Variants in HECW2 observed in about 807,000 individuals in gnomAD.
The protein encoded by HECW2 is E3 ubiquitin-protein ligase HECW2.
HECW2 carries 61 observed loss-of-function variants against 175.2 expected under a neutral mutation model. That is an observed-to-expected ratio of 0.35 (90% confidence interval 0.28 to 0.43). The LOEUF is 0.43. HECW2 is among the 20% of genes least tolerant of loss of function. The pLI, the probability that HECW2 is intolerant of heterozygous loss-of-function variation, is 1.00. For synonymous variants in HECW2, 671 were observed against 731.0 expected (o/e 0.92, Z 1.32); for missense variants, 1,524 against 2,000.5 (o/e 0.76, Z 4.54).
intron 1 of HECW2, chr2:196,586,763 A>C (rs6434860): frequency 0.81 from 121,532 of 150,482 alleles, 49,503 homozygotes; most frequent in East Asian, 0.95. Flanking sequence ...ACAAAAAAAA[A>C]CTCTTCCTAT....
chr2:196,229,621 G>A (rs772687618), intron 21 of HECW2, among the ~76,000 whole-genome samples: 14 of 152,126 alleles, frequency 9.2e-5, no homozygotes, highest in Non-Finnish European at 7.4e-5. Context: ...TTGAGGCTGC[G>A]TGAGCTATGA....
intron 1 of HECW2, among the ~76,000 whole-genome samples, chr2:196,514,772 ACT>A (rs1688089313): frequency 6.6e-6 from 1 of 151,942 alleles, no homozygotes; most frequent in Admixed American, 6.5e-5. Context: ...GGAGCTACCC[ACT>A]CTGAGTCTCC....
chr2:196,225,105 C>T lies in HECW2; in HGVS notation c.4016+667G>A, dbSNP rs148441928. On this transcript the variant is annotated intron_variant, in intron 23 of 28. Coordinates refer to ENST00000644978, the MANE Select transcript of HECW2 (RefSeq NM_001348768.2). ...CTACTATCCCACAGACAGTTGTCTT[C>T]TGTTCAGCCTTGTAAATGGCTGCTG... Among the ~76,000 whole-genome samples the T allele has an allele frequency of 6.5e-3, 983 of 152,322 alleles. 3 individuals are homozygous for T. Among genetic ancestry groups the T allele is most frequent in the Non-Finnish European group, 0.01 (700 of 68,036 alleles).
chr2:196,536,997 G>A (rs1471896764), intron 1 of HECW2, among the ~76,000 whole-genome samples: 1 of 152,170 alleles, frequency 6.6e-6, no homozygotes, highest in Non-Finnish European at 1.5e-5. Flanking sequence ...GATGAAATTA[G>A]TAAAAAGAAA....
chr2:196,263,022 C>CTTTTTTTTTT (rs5837499), intron 17 of HECW2: 2 of 149,526 alleles, frequency 1.3e-5, no homozygotes, highest in African/African-American at 2.5e-5. Context: ...ATCTTGCTAT[C>CTTTTTTTTTT]TTTTTTTTTT....
chr2:196,462,200 T>A (rs190619942), intron 1 of HECW2, among the ~76,000 whole-genome samples: 2 of 152,316 alleles, frequency 1.3e-5, no homozygotes, highest in African/African-American at 4.8e-5. Context: ...TTATTTTTTA[T>A]GTAATCATTC....
intron 28 of HECW2, among the ~76,000 whole-genome samples, chr2:196,209,256 T>C (rs984468092): frequency 6.6e-6 from 1 of 152,238 alleles, no homozygotes; most frequent in African/African-American, 2.4e-5. Flanking sequence ...GGAATGATTA[T>C]CTCATTCCAT....
intron 13 of HECW2, among the ~76,000 whole-genome samples, chr2:196,302,758 A>G (rs1045277484): frequency 1.3e-5 from 2 of 152,204 alleles, no homozygotes; most frequent in Non-Finnish European, 2.9e-5. Flanking sequence ...CAATTTTTGC[A>G]CACTGATTTT....
chr2:196,311,388 T>C (rs145938645), intron 10 of HECW2, among the ~76,000 whole-genome samples: 7 of 152,326 alleles, frequency 4.6e-5, no homozygotes, highest in African/African-American at 1.7e-4. Context: ...CACTAAAATT[T>C]GAGCAACACT....
At chr2:196,460,596 ATTGTTTTTTGTCTTGTT>A (rs1307408736) in intron 1 of HECW2, among the ~76,000 whole-genome samples, 1 of 151,378 alleles carries the variant, frequency 6.6e-6, no homozygotes, top group Non-Finnish European at 1.5e-5. Context: ...AAAAATCTCA[ATTGTTTTTTGTCTTGTT>A]TTGTTTTTGT....
chr2:196,415,637 C>T (rs2125236415), intron 2 of HECW2, among the ~76,000 whole-genome samples: 1 of 152,264 alleles, frequency 6.6e-6, no homozygotes, highest in South Asian at 2.1e-4. Context: ...GAATGGGCTC[C>T]CAGGAGCCAG....
chr2:196,215,239 G>A, intron 28 of HECW2, among the ~76,000 whole-genome samples: 1 of 152,148 alleles, frequency 6.6e-6, no homozygotes, highest in East Asian at 1.9e-4. Flanking sequence ...GTAATGTGTG[G>A]ACGTTGTAAT....
intron 2 of HECW2, among the ~76,000 whole-genome samples, chr2:196,377,030 A>G (rs1190676675): frequency 6.6e-6 from 1 of 152,208 alleles, no homozygotes; most frequent in Non-Finnish European, 1.5e-5. Flanking sequence ...CTCTATAAAA[A>G]TTATTGTTTG....
intron 2 of HECW2, among the ~76,000 whole-genome samples, chr2:196,381,384 G>A (rs1272854128): frequency 6.6e-6 from 1 of 152,122 alleles, no homozygotes; most frequent in East Asian, 1.9e-4. Flanking sequence ...TGGTGCCTTA[G>A]CTGTTAATAA....
At chr2:196,541,044 A>G (rs1476755135) in intron 1 of HECW2, among the ~76,000 whole-genome samples, 1 of 152,054 alleles carries the variant, frequency 6.6e-6, no homozygotes, top group Non-Finnish European at 1.5e-5. Context: ...TACCAACCTC[A>G]TCCAAGTTAA....
intron 2 of HECW2, among the ~76,000 whole-genome samples, chr2:196,350,642 G>C (rs1035026040): frequency 1.3e-5 from 2 of 149,438 alleles, no homozygotes; most frequent in South Asian, 4.1e-4. Context: ...TCATTTGACA[G>C]GTATTTATTG....
chr2:196,330,036 G>A (rs890206790), intron 4 of HECW2, among the ~76,000 whole-genome samples: 20 of 152,104 alleles, frequency 1.3e-4, no homozygotes, highest in Non-Finnish European at 1.0e-4. Context: ...TAGAATAAAC[G>A]AAACAATTGA....
chr2:196,576,348 C>T (rs1690561704), intron 1 of HECW2, among the ~76,000 whole-genome samples: 1 of 152,132 alleles, frequency 6.6e-6, no homozygotes, highest in African/African-American at 2.4e-5. Context: ...TGATGCATGA[C>T]TGTACATGTA....
At chr2:196,505,133 A>T (rs1252117140) in intron 1 of HECW2, among the ~76,000 whole-genome samples, 3 of 152,236 alleles carry the variant, frequency 2.0e-5, no homozygotes, top group Non-Finnish European at 4.4e-5. Context: ...TGTTCACAAT[A>T]GTAATGATAA....
Sources: gnomAD v4.1 joint callset for allele counts (sites outside exome capture counted in the v4.1 genomes callset) on GRCh38, gnomAD v4.1.1 for gene constraint, MANE v1.5 for transcripts, NCBI Gene and HGNC (gene_info 2026-07-23, HGNC 2026-07-21) for gene names.